RABGAP1L: variants seen among roughly 807,000 people sequenced by gnomAD.
RABGAP1L encodes RAB GTPase activating protein 1 like.
In RABGAP1L, 63 loss-of-function variants were observed where a neutral mutation model predicts 137.7. The ratio of observed to expected loss-of-function variants is 0.46; its 90% CI spans 0.37 to 0.56. The LOEUF is 0.56. RABGAP1L is among the 20% of genes least tolerant of loss of function. The pLI, the probability that RABGAP1L is intolerant of heterozygous loss-of-function variation, is 0.00. For missense variants in RABGAP1L, 1,095 were observed against 1,244.0 expected (o/e 0.88, Z 1.80); for synonymous variants, 431 against 433.7 (o/e 0.99, Z 0.08).
intron 19 of RABGAP1L, chr1:174,945,625 A>G (rs1306252317): frequency 6.6e-6 from 1 of 152,140 alleles, no homozygotes; most frequent in Non-Finnish European, 1.5e-5. Flanking sequence ...TTTAAAACCA[A>G]TAGAAGGAAT....
At chr1:174,471,760 G>A (rs1329059963) in intron 13 of RABGAP1L, among the ~76,000 whole-genome samples, 4 of 152,172 alleles carry the variant, frequency 2.6e-5, no homozygotes, top group African/African-American at 9.7e-5. Context: ...TATTTCAGGA[G>A]TCAGACCAGA....
At chr1:174,970,292 G>A (rs1320813977) in intron 21 of RABGAP1L, among the ~76,000 whole-genome samples, 1 of 152,198 alleles carries the variant, frequency 6.6e-6, no homozygotes, top group African/African-American at 2.4e-5. Context: ...TCATGAGACT[G>A]TTGAGATAAG....
chr1:174,549,978 A>C (rs1399771218), intron 13 of RABGAP1L, among the ~76,000 whole-genome samples: 2 of 151,950 alleles, frequency 1.3e-5, no homozygotes, highest in African/African-American at 4.8e-5. Flanking sequence ...GCTGCAGTGC[A>C]CTGTGATCAT....
intron 13 of RABGAP1L, among the ~76,000 whole-genome samples, chr1:174,399,823 G>A (rs529268098): frequency 4.6e-5 from 7 of 152,214 alleles, no homozygotes; most frequent in African/African-American, 1.4e-4. Context: ...TCATTATCAC[G>A]AGAACACTGT....
chr1:174,956,126 C>T (rs1464938169), intron 19 of RABGAP1L, among the ~76,000 whole-genome samples: 1 of 152,120 alleles, frequency 6.6e-6, no homozygotes, highest in Non-Finnish European at 1.5e-5. Flanking sequence ...ATTTAATTCT[C>T]CTGACACCAT....
At chr1:174,176,741 A>AAAAAAAAAAAAAAAAAAAAAAT (rs755688394) in intron 1 of RABGAP1L, among the ~76,000 whole-genome samples, 2 of 111,778 alleles carry the variant, frequency 1.8e-5, no homozygotes, top group African/African-American at 7.1e-5. Flanking sequence ...AAAAAAAAAA[A>AAAAAAAAAAAAAAAAAAAAAAT]AAAAAGGTCA....
chr1:174,618,983 C>T lies in RABGAP1L; in HGVS notation c.1711-18392C>T, dbSNP rs554771197. On this transcript the variant is annotated intron_variant, in intron 13 of 25. Coordinates refer to ENST00000681986, the MANE Select transcript of RABGAP1L (RefSeq NM_001366446.1). ...GCTGAAAACGAAGACATGAGAACTACGTGACGAATGCACAAGCCTCAGTAG... is the reference window on the plus strand; with the variant it reads ...GCTGAAAACGAAGACATGAGAACTATGTGACGAATGCACAAGCCTCAGTAG... 9.8e-5 allele frequency among the ~76,000 whole-genome samples: 15 copies of T among 152,300 alleles called. No homozygotes were observed. The South Asian group carries it at 1.2e-3, about 13-fold the overall frequency.
chr1:174,783,035 T>C (rs1173113331), intron 18 of RABGAP1L, among the ~76,000 whole-genome samples: 1 of 152,160 alleles, frequency 6.6e-6, no homozygotes, highest in Non-Finnish European at 1.5e-5. Flanking sequence ...TTTTGGTCCA[T>C]GTTTGTTCTG....
intron 13 of RABGAP1L, among the ~76,000 whole-genome samples, chr1:174,582,107 C>T (rs1163444917): frequency 6.6e-6 from 1 of 152,044 alleles, no homozygotes; most frequent in Non-Finnish European, 1.5e-5. Flanking sequence ...TGAGGTAGCT[C>T]ACACCTGTAT....
intron 10 of RABGAP1L, among the ~76,000 whole-genome samples, chr1:174,296,104 T>C (rs543964039): frequency 2.0e-4 from 30 of 152,206 alleles, no homozygotes; most frequent in Admixed American, 1.2e-3. Context: ...AAGAACATGA[T>C]GTCAGGAAAG....
chr1:174,668,603 T>G (rs1485430568), intron 14 of RABGAP1L, among the ~76,000 whole-genome samples: 2 of 152,190 alleles, frequency 1.3e-5, no homozygotes, highest in Admixed American at 1.3e-4. Flanking sequence ...GTATATTGAT[T>G]TAATTTCTTT....
intron 7 of RABGAP1L, among the ~76,000 whole-genome samples, chr1:174,259,974 A>T (rs1455110398): frequency 6.6e-6 from 1 of 151,996 alleles, no homozygotes; most frequent in Non-Finnish European, 1.5e-5. Context: ...AGCTGGGACT[A>T]TAGGCATGCG....
intron 19 of RABGAP1L, among the ~76,000 whole-genome samples, chr1:174,915,676 C>T (rs1437437004): frequency 6.6e-6 from 1 of 152,174 alleles, no homozygotes; most frequent in East Asian, 1.9e-4. Flanking sequence ...AGGATCATCT[C>T]AATCTCTCGA....
In RABGAP1L at chr1:174,827,969, T is replaced by C. The variant is rs58824296; in HGVS notation, c.2340+16009T>C. ...TGGTAGAAGAAAGTCTATATTGTAT[T>C]ATAATAGAGTATTTTAAGCAACAAC... is the stretch of plus-strand genomic sequence containing the variant. On this transcript the variant is annotated intron_variant, in intron 19 of 25. Coordinates refer to ENST00000681986, the MANE Select transcript of RABGAP1L (RefSeq NM_001366446.1). 7.4e-3 allele frequency among the ~76,000 whole-genome samples: 1,100 copies of C among 148,362 alleles called. 86 individuals are homozygous for C. The highest frequency in any genetic ancestry group is 0.025 in the African/African-American group (1,033 of 40,686).
chr1:174,798,835 A>AT (rs1358789629), intron 18 of RABGAP1L, among the ~76,000 whole-genome samples: 1 of 152,224 alleles, frequency 6.6e-6, no homozygotes, highest in Non-Finnish European at 1.5e-5. Flanking sequence ...CAGAATCAAG[A>AT]TGCTGAATAT....
At chr1:174,293,957 C>T (rs1017459458) in intron 10 of RABGAP1L, among the ~76,000 whole-genome samples, 3 of 152,080 alleles carry the variant, frequency 2.0e-5, no homozygotes, top group Non-Finnish European at 4.4e-5. Context: ...GCAGCACTCA[C>T]TCATCACCCT....
chr1:174,692,592 C>T (rs74500622), intron 15 of RABGAP1L, among the ~76,000 whole-genome samples: 3,686 of 152,212 alleles, frequency 0.024, 143 homozygotes, highest in African/African-American at 0.084. Context: ...ATATGAAAAG[C>T]AGCATATTTT....
intron 19 of RABGAP1L, among the ~76,000 whole-genome samples, chr1:174,922,729 T>C (rs1303766286): frequency 1.3e-5 from 2 of 152,230 alleles, no homozygotes; most frequent in African/African-American, 4.8e-5. Flanking sequence ...AAACTTTTCA[T>C]TTTCTGGTGA....
intron 14 of RABGAP1L, among the ~76,000 whole-genome samples, chr1:174,657,677 A>G (rs141245921): frequency 1.3e-5 from 2 of 152,186 alleles, no homozygotes; most frequent in Admixed American, 6.5e-5. Flanking sequence ...TATCTTGGCT[A>G]TTGTAAATGC....
Sources: gnomAD v4.1 joint callset for allele counts (sites outside exome capture counted in the v4.1 genomes callset) on GRCh38, gnomAD v4.1.1 for gene constraint, MANE v1.5 for transcripts, NCBI Gene and HGNC (gene_info 2026-07-23, HGNC 2026-07-21) for gene names.